DLGAP1: variants seen among roughly 807,000 people sequenced by gnomAD.
The protein encoded by DLGAP1 is disks large-associated protein 1.
DLGAP1 carries 11 observed loss-of-function variants against 90.8 expected under a neutral mutation model. That is an observed-to-expected ratio of 0.12 (90% CI 0.08 to 0.20). The LOEUF (loss-of-function observed/expected upper bound fraction) is 0.20. DLGAP1 is among the 10% of genes least tolerant of loss of function. DLGAP1 has a pLI of 1.00. For missense variants in DLGAP1, 1,050 were observed against 1,333.8 expected (o/e 0.79, Z 3.31); for synonymous variants, 558 against 540.7 (o/e 1.03, Z -0.44).
chr18:3,854,379 T>A (rs1000253646), intron 4 of DLGAP1, among the ~76,000 whole-genome samples: 5 of 152,170 alleles, frequency 3.3e-5, no homozygotes, highest in African/African-American at 1.2e-4. Flanking sequence ...GTGGGGGAAA[T>A]ATTTAAAATA....
chr18:3,880,944 G>GAAAAAAAAAAAA (rs1173817359), intron 3 of DLGAP1, among the ~76,000 whole-genome samples: 4 of 38,334 alleles, frequency 1.0e-4, no homozygotes, highest in Non-Finnish European at 1.1e-4. Context: ...CTCCATCTCA[G>GAAAAAAAAAAAA]AAAAAAAAAA....
At chr18:3,510,560 G>C (rs2050483869) in intron 10 of DLGAP1, among the ~76,000 whole-genome samples, 1 of 152,140 alleles carries the variant, frequency 6.6e-6, no homozygotes, top group Non-Finnish European at 1.5e-5. Flanking sequence ...CTTCCTAAGT[G>C]AGCATGTGGC....
chr18:3,583,210 C>T (rs1383168339), intron 7 of DLGAP1, among the ~76,000 whole-genome samples: 1 of 151,264 alleles, frequency 6.6e-6, no homozygotes, highest in Non-Finnish European at 1.5e-5. Flanking sequence ...TCCTTCCTTC[C>T]TTCCCTCCTC....
At chr18:3,609,893 A>C (rs893129568) in intron 7 of DLGAP1, among the ~76,000 whole-genome samples, 14 of 150,930 alleles carry the variant, frequency 9.3e-5, no homozygotes, top group Non-Finnish European at 1.8e-4. Flanking sequence ...CCCTGTCTCT[A>C]CTAAAAATAC....
intron 7 of DLGAP1, among the ~76,000 whole-genome samples, chr18:3,586,406 T>C (rs1451442054): frequency 6.6e-6 from 1 of 152,062 alleles, no homozygotes; most frequent in African/African-American, 2.4e-5. Context: ...GGGACTTTAC[T>C]CGTTATTATG....
intron 2 of DLGAP1, among the ~76,000 whole-genome samples, chr18:4,012,158 G>A (rs1043060011): frequency 6.6e-6 from 1 of 152,036 alleles, no homozygotes; most frequent in Non-Finnish European, 1.5e-5. Flanking sequence ...ACCTCTCCTG[G>A]CCTCTTCAGT....
At chr18:3,741,002 C>CAT in intron 6 of DLGAP1, among the ~76,000 whole-genome samples, 1 of 118,552 alleles carries the variant, frequency 8.4e-6, no homozygotes, top group Admixed American at 8.2e-5. Context: ...CATCACCTCA[C>CAT]CACCACCACC....
At chr18:4,398,214 G>A (rs2082478440) in intron 1 of DLGAP1, among the ~76,000 whole-genome samples, 1 of 152,150 alleles carries the variant, frequency 6.6e-6, no homozygotes, top group South Asian at 2.1e-4. Context: ...AAAAAGAACA[G>A]CATCTGTTTA....
At chr18:4,020,197 G>A (rs1294808477) in intron 2 of DLGAP1, among the ~76,000 whole-genome samples, 1 of 152,132 alleles carries the variant, frequency 6.6e-6, no homozygotes. Context: ...TAATGCTGGA[G>A]GGGTATTGTG....
intron 1 of DLGAP1, among the ~76,000 whole-genome samples, chr18:4,194,053 A>G (rs930055148): frequency 6.6e-6 from 1 of 152,126 alleles, no homozygotes; most frequent in African/African-American, 2.4e-5. Flanking sequence ...TGTAACCCCA[A>G]CTGTTATATG....
intron 3 of DLGAP1, among the ~76,000 whole-genome samples, chr18:3,937,357 C>T (rs1156713577): frequency 4.6e-5 from 7 of 152,124 alleles, no homozygotes; most frequent in African/African-American, 1.4e-4. Context: ...AGCAAAGTTA[C>T]GTCTTACAAG....
At chr18:4,251,166 G>A (rs1056853850) in intron 1 of DLGAP1, among the ~76,000 whole-genome samples, 1 of 152,192 alleles carries the variant, frequency 6.6e-6, no homozygotes, top group African/African-American at 2.4e-5. Flanking sequence ...GCATTTGAGA[G>A]AGGGAGAGAT....
At chr18:3,856,936 T>C (rs1263995010) in intron 4 of DLGAP1, among the ~76,000 whole-genome samples, 1 of 152,028 alleles carries the variant, frequency 6.6e-6, no homozygotes, top group Non-Finnish European at 1.5e-5. Flanking sequence ...GTATATAGTA[T>C]GAAGAAAGTG....
intron 7 of DLGAP1, among the ~76,000 whole-genome samples, chr18:3,602,593 CA>C (rs71159102): frequency 0.2 from 13,238 of 66,948 alleles, 207 homozygotes; most frequent in East Asian, 0.28. Context: ...AGACTCCGTC[CA>C]AAAAAAAAAA....
At position 3,497,404 on chromosome 18, in the gene DLGAP1, A is replaced by C. The variant is rs984505304; in HGVS notation, c.*1781T>G. The C allele has an allele frequency of 6.6e-6, 1 of 152,152 alleles. No individual in the cohort carries two copies. The highest frequency in any genetic ancestry group is 1.5e-5 in the Non-Finnish European group (1 of 68,028). 9.4% of individuals were successfully genotyped at this position (152,152 alleles called of 1,614,324 possible). A position where few individuals can be genotyped will look rare whatever the true frequency, so the allele number is the denominator to read the frequency against. ...TTTCTTGTAAACCACAGCAGTAAAC[A>C]TTTGTGCCCTGTTTATAAAGGTAGC... On this transcript the variant is annotated 3_prime_UTR_variant, in exon 13 of 13. Transcript: ENST00000315677.
At chr18:3,795,461 GCC>G (rs2065946030) in intron 5 of DLGAP1, among the ~76,000 whole-genome samples, 1 of 151,710 alleles carries the variant, frequency 6.6e-6, no homozygotes, top group Non-Finnish European at 1.5e-5. Flanking sequence ...GACTACAGGC[GCC>G]CACCACCACG....
rs940625855 is a variant in DLGAP1, at chr18:4,084,537, C to T, written c.-159+66643G>A. Among the ~76,000 whole-genome samples the T allele has an allele frequency of 6.6e-6, 1 of 152,102 alleles. No homozygotes were observed. The highest frequency in any genetic ancestry group is 2.4e-5 in the African/African-American group (1 of 41,410). On this transcript the variant is annotated intron_variant, in intron 2 of 12. Coordinates refer to ENST00000315677, the MANE Select transcript of DLGAP1 (RefSeq NM_004746.4). This position sits in a 1 kb window ranked among gnomAD's most constrained non-coding sequence, Gnocchi z 4.0. ...GACCCTCGTGTGAAAGGTGTCCACC[C>T]TATACCCACAGGACAGGAGCATCGT...
At chr18:4,366,082 A>C (rs559463911) in intron 1 of DLGAP1, among the ~76,000 whole-genome samples, 2 of 152,252 alleles carry the variant, frequency 1.3e-5, no homozygotes, top group Non-Finnish European at 2.9e-5. Context: ...ACCGAGATAT[A>C]CTTTCAACTG....
chr18:3,599,022 C>G (rs1267036464), intron 7 of DLGAP1, among the ~76,000 whole-genome samples: 1 of 152,056 alleles, frequency 6.6e-6, no homozygotes, highest in East Asian at 1.9e-4. Context: ...GATCTGCCCC[C>G]TTCAGCCTCC....
Sources: allele counts gnomAD v4.1 joint callset (sites outside exome capture counted in the v4.1 genomes callset), GRCh38; gene constraint gnomAD v4.1.1; non-coding constraint Gnocchi (gnomAD v3.1); transcripts MANE v1.5; gene names NCBI Gene and HGNC (gene_info 2026-07-23, HGNC 2026-07-21).